Variants in GDAP1 observed in about 807,000 individuals in gnomAD.
The protein encoded by GDAP1 is ganglioside induced differentiation associated protein 1.
Under a neutral mutation model 40.1 loss-of-function variants are expected in GDAP1, and 34 were observed. The observed-to-expected ratio is 0.85, with a 90% CI of 0.64 to 1.13. The LOEUF is 1.13. Among genes scored for constraint, GDAP1 ranks in the 50% most tolerant of loss-of-function variants. The pLI, the probability that GDAP1 is intolerant of heterozygous loss-of-function variation, is 0.00. For synonymous variants in GDAP1, 170 were observed against 157.4 expected (o/e 1.08, Z -0.60); for missense variants, 374 against 433.7 (o/e 0.86, Z 1.22).
intron 2 of GDAP1, among the ~76,000 whole-genome samples, chr8:74,482,342 G>A (rs1806723407): frequency 6.6e-6 from 1 of 152,024 alleles, no homozygotes; most frequent in Non-Finnish European, 1.5e-5. Flanking sequence ...ATCCAATATG[G>A]CTTTCCAGGG....
downstream of GDAP1, among the ~76,000 whole-genome samples, chr8:74,369,190 A>G (rs1479685598): frequency 6.6e-6 from 1 of 152,240 alleles, no homozygotes; most frequent in African/African-American, 2.4e-5. Context: ...CAGAGAGAAT[A>G]TAACAAAATC....
At chr8:74,450,424 G>A (rs536640039) in intron 2 of GDAP1, among the ~76,000 whole-genome samples, 2 of 151,862 alleles carry the variant, frequency 1.3e-5, no homozygotes, top group South Asian at 4.2e-4. Flanking sequence ...ATCAATTACT[G>A]AAGGAGATGT....
chr8:74,461,575 A>G (rs1238629444), intron 2 of GDAP1, among the ~76,000 whole-genome samples: 1 of 152,232 alleles, frequency 6.6e-6, no homozygotes, highest in Non-Finnish European at 1.5e-5. Context: ...TCACCCATTC[A>G]TTTGGATATT....
intron 2 of GDAP1, among the ~76,000 whole-genome samples, chr8:74,359,788 T>C (rs997759849): frequency 6.6e-6 from 1 of 152,212 alleles, no homozygotes; most frequent in Admixed American, 6.5e-5. Context: ...TAATGTGTTA[T>C]GGATGTATAG....
At chr8:74,426,804 T>C (rs7838128) in intron 2 of GDAP1, among the ~76,000 whole-genome samples, 2,183 of 152,312 alleles carry the variant, frequency 0.014, 64 homozygotes, top group African/African-American at 0.05. Flanking sequence ...TTGTTAACTT[T>C]TTCATGTTGG....
intron 2 of GDAP1, among the ~76,000 whole-genome samples, chr8:74,386,512 C>T (rs1286348647): frequency 6.6e-6 from 1 of 152,032 alleles, no homozygotes; most frequent in African/African-American, 2.4e-5. Context: ...TGGCGTTATT[C>T]CTGAGGCTTT....
chr8:74,350,929 C>T (rs1214555225), intron 1 of GDAP1, among the ~76,000 whole-genome samples: 1 of 152,208 alleles, frequency 6.6e-6, no homozygotes, highest in Admixed American at 6.5e-5. Context: ...TTTGCTCTCT[C>T]GCATTCACTG....
In GDAP1 at chr8:74,404,188, G is replaced by T. The variant is rs140246440; in HGVS notation, c.165+52867G>T. Among the ~76,000 whole-genome samples, 841 of 149,590 alleles carry T rather than the reference G, an allele frequency of 5.6e-3. 6 individuals carry two copies. The highest frequency in any genetic ancestry group is 0.014 in the Middle Eastern group (4 of 294). On this transcript the variant is annotated intron_variant, in intron 2 of 2. Transcript: ENST00000523640. ...GCTAAGTGAGAATTATTTACTTTGTGCATTAACTTAAAAAAAATCCTGTCT... is the reference window on the plus strand; with the variant it reads ...GCTAAGTGAGAATTATTTACTTTGTTCATTAACTTAAAAAAAATCCTGTCT...
intron 2 of GDAP1, among the ~76,000 whole-genome samples, chr8:74,400,065 T>G (rs1810295389): frequency 6.8e-6 from 1 of 147,924 alleles, no homozygotes. Flanking sequence ...GTCTATTAGG[T>G]CCGCTTGGTG....
intron 2 of GDAP1, among the ~76,000 whole-genome samples, chr8:74,455,111 A>G (rs1462170940): frequency 6.6e-6 from 1 of 152,014 alleles, no homozygotes; most frequent in East Asian, 1.9e-4. Context: ...TAAAAGATTC[A>G]TCATAATTCT....
At chr8:74,459,975 A>C (rs1257265380) in intron 2 of GDAP1, among the ~76,000 whole-genome samples, 1 of 152,166 alleles carries the variant, frequency 6.6e-6, no homozygotes, top group African/African-American at 2.4e-5. Context: ...TTGTCACTGG[A>C]ATACTTGTTT....
Position 74,366,757 on chromosome 8 carries a change from A to G in GDAP1, c.*2390A>G, listed in dbSNP as rs1809657073. On this transcript the variant is annotated 3_prime_UTR_variant, in exon 6 of 6. Transcript: ENST00000220822. The stretch of plus-strand genomic sequence containing the variant: ...ATTGCTTGCTCAATTTTTAGTAATT[A>G]TTGCTGTTGACACCAGCGTTGTAGA... The G allele has an allele frequency of 2.2e-6, 1 of 453,794 alleles. No homozygotes were observed. The highest frequency in any genetic ancestry group is 2.0e-5 in the African/African-American group (1 of 50,098). The allele number at this position is 453,794 out of a possible 1,614,324, so 28.1% of individuals were successfully genotyped here.
chr8:74,482,561 A>T (rs1358592278), intron 2 of GDAP1, among the ~76,000 whole-genome samples: 18 of 152,214 alleles, frequency 1.2e-4, no homozygotes, highest in Non-Finnish European at 2.9e-5. Flanking sequence ...AAATGTTTAG[A>T]TGATTGGGCA....
intron 2 of GDAP1, among the ~76,000 whole-genome samples, chr8:74,417,693 G>A (rs556147854): frequency 7.0e-6 from 1 of 141,874 alleles, no homozygotes; most frequent in African/African-American, 2.8e-5. Context: ...GGAGGCGGAG[G>A]TTGCAGTGAG....
In GDAP1 at chr8:74,362,107, T is replaced by C. The variant is rs890268724; in HGVS notation, c.579+129T>C. On this transcript the variant is annotated intron_variant, in intron 4 of 5. Coordinates refer to ENST00000220822, the MANE Select transcript of GDAP1 (RefSeq NM_018972.4). Reference sequence around the variant, plus strand: ...AGTTCACCAGTACACATGTTACCTTTGGCTTATGTTCTCCTTTTAGAAAGA... The same window carrying C: ...AGTTCACCAGTACACATGTTACCTTCGGCTTATGTTCTCCTTTTAGAAAGA... 1.0e-5 allele frequency: 7 copies of C among 688,544 alleles called. No homozygotes were observed. The African/African-American group carries it at 1.2e-4, about 12-fold the overall frequency. The allele number at this position is 688,544 out of a possible 1,614,324, so 42.7% of individuals were successfully genotyped here. A position where few individuals can be genotyped will look rare whatever the true frequency, so the allele number is the denominator to read the frequency against.
chr8:74,357,928 A>G (rs980673847), intron 2 of GDAP1, among the ~76,000 whole-genome samples: 3 of 152,228 alleles, frequency 2.0e-5, no homozygotes, highest in Non-Finnish European at 4.4e-5. Flanking sequence ...TATAATTCAA[A>G]GGAAATTCCC....
At position 74,364,858 on chromosome 8, in the gene GDAP1, CACA is replaced by C. The variant is rs1340129160; in HGVS notation, c.*492_*494del. ...TAATTTTAAATGCTTATGAATCACACACATTGCTTTAGTAAGATTAAGTGCTTA... is the reference window on the plus strand; with the variant it reads ...TAATTTTAAATGCTTATGAATCACACTTGCTTTAGTAAGATTAAGTGCTTA... On this transcript the variant is annotated 3_prime_UTR_variant, in exon 6 of 6. Transcript: ENST00000220822. 3 of 454,226 alleles carry C rather than the reference CACA, an allele frequency of 6.6e-6. No individual in the cohort carries two copies. The highest frequency in any genetic ancestry group is 1.3e-5 in the Non-Finnish European group (3 of 226,966). The allele number at this position is 454,226 out of a possible 1,614,324, so 28.1% of individuals were successfully genotyped here.
chr8:74,391,433 G>A (rs991628206), intron 2 of GDAP1, among the ~76,000 whole-genome samples: 22 of 151,980 alleles, frequency 1.4e-4, no homozygotes, highest in African/African-American at 5.1e-4. Flanking sequence ...GGCTAGGGGA[G>A]GGAGTTCCTT....
At chr8:74,418,432 C>T (rs182727365) in intron 2 of GDAP1, among the ~76,000 whole-genome samples, 1 of 152,260 alleles carries the variant, frequency 6.6e-6, no homozygotes, top group East Asian at 1.9e-4. Context: ...GGCAATTTAG[C>T]AGAGATATTA....
Sources: gnomAD v4.1 joint callset for allele counts (sites outside exome capture counted in the v4.1 genomes callset) on GRCh38, gnomAD v4.1.1 for gene constraint, MANE v1.5 for transcripts, NCBI Gene and HGNC (gene_info 2026-07-23, HGNC 2026-07-21) for gene names.